Variants in HGD observed in about 807,000 individuals in gnomAD.
HGD encodes homogentisate oxidase.
A neutral mutation model predicts 60.8 loss-of-function variants in HGD; 61 were observed. The observed-to-expected ratio is 1.00, with a 90% CI of 0.82 to 1.24. The LOEUF is 1.24. Among genes scored for constraint, HGD ranks in the 50% most tolerant of loss-of-function variants. HGD has a pLI of 0.00. For missense variants in HGD, 542 were observed against 547.1 expected (o/e 0.99, Z 0.09); for synonymous variants, 212 against 187.7 (o/e 1.13, Z -1.06).
At chr3:120,649,212 G>A (rs1184900488) in intron 6 of HGD, among the ~76,000 whole-genome samples, 7 of 140,380 alleles carry the variant, frequency 5.0e-5, no homozygotes, top group African/African-American at 8.0e-5. Context: ...GCATGATCTC[G>A]GTTCACTGCA....
At chr3:120,630,955 T>A (rs1208367475) in intron 13 of HGD, among the ~76,000 whole-genome samples, 2 of 151,346 alleles carry the variant, frequency 1.3e-5, no homozygotes, top group Non-Finnish European at 2.9e-5. Context: ...CTGGAGGCCA[T>A]TATCCTTGGC....
chr3:120,662,463 GT>G (rs1185495406), intron 4 of HGD, among the ~76,000 whole-genome samples: 1 of 152,166 alleles, frequency 6.6e-6, no homozygotes, highest in African/African-American at 2.4e-5. Context: ...CTGCATGGGA[GT>G]CATCTGGGGA....
intron 4 of HGD, among the ~76,000 whole-genome samples, chr3:120,664,267 G>C (rs1450114638): frequency 1.3e-5 from 2 of 152,158 alleles, no homozygotes; most frequent in East Asian, 3.9e-4. Flanking sequence ...AGATGTGAGA[G>C]GGTTGGAGTC....
At chr3:120,671,045 T>C (rs1708014995) in intron 3 of HGD, among the ~76,000 whole-genome samples, 1 of 152,192 alleles carries the variant, frequency 6.6e-6, no homozygotes, top group South Asian at 2.1e-4. Context: ...AAGGTAAAAA[T>C]AATTCAAGTA....
At chr3:120,659,193 A>G (rs1297202768) in intron 4 of HGD, among the ~76,000 whole-genome samples, 1 of 152,220 alleles carries the variant, frequency 6.6e-6, no homozygotes, top group Non-Finnish European at 1.5e-5. Context: ...AAATTTCCTA[A>G]CTTTTACACT....
intron 4 of HGD, among the ~76,000 whole-genome samples, chr3:120,657,125 A>G (rs1012329499): frequency 6.6e-6 from 1 of 152,152 alleles, no homozygotes; most frequent in African/African-American, 2.4e-5. Flanking sequence ...TTATCCTTTT[A>G]GTTGTATTAT....
intron 13 of HGD, among the ~76,000 whole-genome samples, chr3:120,631,932 A>G (rs1576283512): frequency 6.6e-6 from 1 of 152,164 alleles, no homozygotes; most frequent in East Asian, 1.9e-4. Context: ...CCCTCATAAC[A>G]TTGACTACCC....
In HGD at chr3:120,682,151, G is replaced by A. The variant is rs768585000; in HGVS notation, c.-40C>T. Reference sequence around the variant, plus strand: ...ATGTGTGGTGACTTCAGGAAACCCAGGCCCAGAGGATATAAAGCCACAATG... The same window carrying A: ...ATGTGTGGTGACTTCAGGAAACCCAAGCCCAGAGGATATAAAGCCACAATG... On this transcript the variant is annotated 5_prime_UTR_variant, in exon 1 of 14. Transcript: ENST00000283871. The A allele has an allele frequency of 1.2e-6, 2 of 1,606,608 alleles. No homozygotes were observed. The highest frequency in any genetic ancestry group is 4.5e-5 in the East Asian group (2 of 44,874).
At chr3:120,648,393 GAT>G (rs1941231030) in intron 6 of HGD, among the ~76,000 whole-genome samples, 1 of 152,210 alleles carries the variant, frequency 6.6e-6, no homozygotes. Context: ...GAGGTGGCCT[GAT>G]ATGAGATTTG....
At chr3:120,664,570 G>A (rs745464013) in intron 4 of HGD, among the ~76,000 whole-genome samples, 2 of 151,736 alleles carry the variant, frequency 1.3e-5, no homozygotes, top group East Asian at 1.9e-4. Flanking sequence ...TGGGACTACC[G>A]GTGCTTGCCA....
intron 6 of HGD, among the ~76,000 whole-genome samples, chr3:120,649,674 C>T (rs951928248): frequency 2.0e-5 from 3 of 152,126 alleles, no homozygotes; most frequent in African/African-American, 7.2e-5. Context: ...CTGAAAGGCA[C>T]CCTGGGTGAC....
At chr3:120,645,096 G>A (rs1341516387) in intron 9 of HGD, among the ~76,000 whole-genome samples, 2 of 152,224 alleles carry the variant, frequency 1.3e-5, no homozygotes, top group South Asian at 2.1e-4. Context: ...AGCGAGCTGA[G>A]GAGTGTTTTA....
chr3:120,678,903 C>G (rs4676821), intron 1 of HGD, among the ~76,000 whole-genome samples: 1 of 152,040 alleles, frequency 6.6e-6, no homozygotes, highest in Non-Finnish European at 1.5e-5. Flanking sequence ...TTATCAGCTG[C>G]GAAAATCCAA....
chr3:120,644,680 G>T (rs2107507649), intron 9 of HGD: 1 of 1,400,742 alleles, frequency 7.1e-7, no homozygotes, highest in African/African-American at 1.4e-5. Context: ...AGTGACTATG[G>T]TTAACAAAAC....
At chr3:120,670,337 A>AT (rs1214467538) in intron 4 of HGD, 90 bp downstream of exon 4, 4 of 787,768 alleles carry the variant, frequency 5.1e-6, no homozygotes, top group African/African-American at 1.7e-5. Context: ...AAAACTATCT[A>AT]TTTTTTCCAA....
chr3:120,670,293 A>G (rs1707995735), intron 4 of HGD, 134 bp downstream of exon 4: 1 of 694,666 alleles, frequency 1.4e-6, no homozygotes, highest in African/African-American at 1.8e-5. Context: ...CAGAAAACAG[A>G]CACACTTTAG....
At chr3:120,651,575 A>G (rs1941343001) in intron 5 of HGD, among the ~76,000 whole-genome samples, 9 of 152,226 alleles carry the variant, frequency 5.9e-5, no homozygotes, top group Admixed American at 5.9e-4. Flanking sequence ...GTGAGTCTAC[A>G]AAGAGTTTGG....
intron 4 of HGD, among the ~76,000 whole-genome samples, chr3:120,667,326 C>CAAAA (rs71133514): frequency 7.7e-4 from 46 of 60,050 alleles, no homozygotes; most frequent in African/African-American, 2.2e-3. Flanking sequence ...ACTCTTGTCT[C>CAAAA]AAAAAAAAAA....
chr3:120,646,658 A>G (rs1941174721), intron 8 of HGD, among the ~76,000 whole-genome samples: 1 of 146,142 alleles, frequency 6.8e-6, no homozygotes, highest in Non-Finnish European at 1.5e-5. Flanking sequence ...AGCCACACTA[A>G]AAAAAAAAAA....
Sources: gnomAD v4.1 joint callset for allele counts (sites outside exome capture counted in the v4.1 genomes callset) on GRCh38, gnomAD v4.1.1 for gene constraint, MANE v1.5 for transcripts, NCBI Gene and HGNC (gene_info 2026-07-23, HGNC 2026-07-21) for gene names.